RPS6KA2: variants seen among roughly 807,000 people sequenced by gnomAD.
RPS6KA2 encodes the protein ribosomal protein S6 kinase alpha-2.
Under a neutral mutation model 91.8 loss-of-function variants are expected in RPS6KA2, and 42 were observed. That is an observed-to-expected ratio of 0.46 (90% CI 0.36 to 0.59). RPS6KA2 has a LOEUF of 0.59. Among genes scored for constraint, RPS6KA2 ranks in the 20% least tolerant of loss-of-function variants. RPS6KA2 has a pLI of 0.00. For missense variants in RPS6KA2, 798 were observed against 978.5 expected (o/e 0.82, Z 2.46); for synonymous variants, 414 against 393.6 (o/e 1.05, Z -0.61).
intron 2 of RPS6KA2, among the ~76,000 whole-genome samples, chr6:166,531,756 C>T (rs1413773020): frequency 6.6e-6 from 1 of 151,806 alleles, no homozygotes; most frequent in African/African-American, 2.4e-5. Context: ...CTTTCTCTTA[C>T]TTCAACTGTC....
chr6:166,526,097 T>A (rs1430050131), intron 3 of RPS6KA2, among the ~76,000 whole-genome samples: 1 of 142,498 alleles, frequency 7.0e-6, no homozygotes, highest in Non-Finnish European at 1.6e-5. Flanking sequence ...CGCTGCATCA[T>A]GGTTAGATCC....
intron 2 of RPS6KA2, among the ~76,000 whole-genome samples, chr6:166,788,798 T>C (rs1377970598): frequency 6.6e-6 from 1 of 152,104 alleles, no homozygotes; most frequent in Non-Finnish European, 1.5e-5. Flanking sequence ...CACATGTATG[T>C]ATATGTACCA....
At chr6:166,831,200 C>G (rs888759249) in intron 2 of RPS6KA2, among the ~76,000 whole-genome samples, 1 of 152,136 alleles carries the variant, frequency 6.6e-6, no homozygotes, top group Non-Finnish European at 1.5e-5. Context: ...CTCCACTCTC[C>G]GCAGGTGTTG....
intron 10 of RPS6KA2, among the ~76,000 whole-genome samples, chr6:166,485,420 G>A (rs1334832401): frequency 2.0e-5 from 3 of 152,154 alleles, no homozygotes; most frequent in Non-Finnish European, 2.9e-5. Context: ...GAGCTGGGGA[G>A]CAAGCCCCTG....
At chr6:166,734,907 G>C (rs548145908) in intron 2 of RPS6KA2, among the ~76,000 whole-genome samples, 1 of 152,292 alleles carries the variant, frequency 6.6e-6, no homozygotes, top group Admixed American at 6.5e-5. Flanking sequence ...CACAGATTTT[G>C]AAAGTTCCTA....
At position 166,621,775 on chromosome 6, in the gene RPS6KA2, C is replaced by T. The variant is rs116439993; in HGVS notation, c.99+5146G>A. On this transcript the variant is annotated intron_variant, in intron 1 of 20. Transcript: ENST00000265678. ...GTCCCCCATATCAAAGGAGCACTCT[C>T]CTGGCAGCTCCCTGAAGGTCCCCAA... Among the ~76,000 whole-genome samples the T allele has an allele frequency of 5.7e-3, 862 of 152,330 alleles. 8 individuals carry two copies. The highest frequency in any genetic ancestry group is 0.02 in the African/African-American group (815 of 41,566).
At position 166,821,439 on chromosome 6, in the gene RPS6KA2, A is replaced by G. The variant is rs1025665729; in HGVS notation, c.123+36761T>C. Among the ~76,000 whole-genome samples the G allele has an allele frequency of 2.0e-5, 3 of 152,042 alleles. No homozygotes were observed. Among genetic ancestry groups the G allele is most frequent in the Admixed American group, 6.5e-5 (1 of 15,270 alleles). ...GGTGGAGAGGCAGGCAGGCAGAAAC[A>G]CAGGAGGCCTCACTATGTCTTCTTC... is the stretch of plus-strand genomic sequence containing the variant. On this transcript the variant is annotated intron_variant, in intron 2 of 21. Coordinates refer to the RPS6KA2 transcript ENST00000503859. This position sits in a 1 kb window ranked among gnomAD's most constrained non-coding sequence, Gnocchi z 4.1.
At position 166,437,656 on chromosome 6, in the gene RPS6KA2, A is replaced by C. The variant is rs115001324; in HGVS notation, c.1333-5166T>G. On this transcript the variant is annotated intron_variant, in intron 14 of 20. Coordinates refer to ENST00000265678, the MANE Select transcript of RPS6KA2 (RefSeq NM_021135.6). This position sits in a 1 kb window ranked among gnomAD's most constrained non-coding sequence, Gnocchi z 4.3. ...CACCTTCCTTAGAGATGCTGAGTCT[A>C]GGGGTCTGAATATCCACGAAGCAAT... is the stretch of plus-strand genomic sequence containing the variant. 0.016 allele frequency among the ~76,000 whole-genome samples: 2,392 copies of C among 152,296 alleles called. 62 individuals are homozygous for C. The highest frequency in any genetic ancestry group is 0.055 in the African/African-American group (2,288 of 41,570).
intron 2 of RPS6KA2, among the ~76,000 whole-genome samples, chr6:166,816,486 T>G (rs1583148948): frequency 7.0e-6 from 1 of 142,832 alleles, no homozygotes; most frequent in African/African-American, 2.6e-5. Context: ...ACCCAGGAGG[T>G]GGAGGTTGTG....
At position 166,563,308 on chromosome 6, in the gene RPS6KA2, C is replaced by T. The variant is rs1037525944; in HGVS notation, c.100-24524G>A. On this transcript the variant is annotated intron_variant, in intron 1 of 20. Transcript: ENST00000265678. The surrounding 1 kb of genome is among the most constrained non-coding windows in gnomAD (Gnocchi z 4.1). ...CCCCAGCGGGAAGCACTCGGAGGAG[C>T]GGGGGCCAACCCGGAATCAGCCTCT... is the stretch of plus-strand genomic sequence containing the variant. Among the ~76,000 whole-genome samples the T allele has an allele frequency of 3.3e-5, 5 of 152,184 alleles. No individual in the cohort carries two copies. The highest frequency in any genetic ancestry group is 3.2e-3 in the Middle Eastern group (1 of 316).
At chr6:166,536,533 C>T (rs913331888) in intron 2 of RPS6KA2, among the ~76,000 whole-genome samples, 3 of 152,318 alleles carry the variant, frequency 2.0e-5, no homozygotes, top group East Asian at 1.9e-4. Context: ...ACGATATTAG[C>T]TCCAACCTTC....
intron 2 of RPS6KA2, among the ~76,000 whole-genome samples, chr6:166,795,224 C>A (rs1779194631): frequency 6.6e-6 from 1 of 152,138 alleles, no homozygotes; most frequent in African/African-American, 2.4e-5. Context: ...TAAAGCCAGA[C>A]CCATTTGTGA....
rs1779385208 is a variant in RPS6KA2 at position 166,437,824 on chromosome 6, T to C, written c.1333-5334A>G. Among the ~76,000 whole-genome samples, 1 of 152,270 alleles carries C rather than the reference T, an allele frequency of 6.6e-6. No individual in the cohort carries two copies. Among genetic ancestry groups the C allele is most frequent in the African/African-American group, 2.4e-5 (1 of 41,578 alleles). ...CTGCTCTTGATAACACCTTTCCTCC[T>C]GCTGGCCGAAGGCGGCAACAGGAGA... On this transcript the variant is annotated intron_variant, in intron 14 of 20. Coordinates refer to ENST00000265678, the MANE Select transcript of RPS6KA2 (RefSeq NM_021135.6). This position sits in a 1 kb window ranked among gnomAD's most constrained non-coding sequence, Gnocchi z 4.3.
intron 1 of RPS6KA2, among the ~76,000 whole-genome samples, chr6:166,585,498 CTT>C (rs58153048): frequency 0.022 from 1,872 of 86,278 alleles, 31 homozygotes; most frequent in Non-Finnish European, 0.026. Flanking sequence ...TCAAACAAGT[CTT>C]TTTTTTTTTT....
chr6:166,855,671 T>A (rs9355601), intron 2 of RPS6KA2, among the ~76,000 whole-genome samples: 90,035 of 152,068 alleles, frequency 0.59, 30,190 homozygotes, highest in Non-Finnish European at 0.75. Flanking sequence ...TCATAGAGTA[T>A]TCAAATGACA....
intron 14 of RPS6KA2, among the ~76,000 whole-genome samples, chr6:166,441,457 T>C (rs781472583): frequency 1.3e-4 from 20 of 152,236 alleles, no homozygotes; most frequent in Non-Finnish European, 2.2e-4. Flanking sequence ...TTGGCCACAG[T>C]GGTTTGACTC....
rs1415938320 is a variant in RPS6KA2, at chr6:166,459,662, A to T, written c.973-111T>A. The stretch of plus-strand genomic sequence containing the variant: ...GGAGGGAAGGATGTTCTTATCACAG[A>T]CTGCATTGGCCTTGTGGATTACAAG... On this transcript the variant is annotated intron_variant, in intron 11 of 20. Transcript: ENST00000265678. This position sits in a 1 kb window ranked among gnomAD's most constrained non-coding sequence, Gnocchi z 4.9. 6.3e-5 allele frequency: 44 copies of T among 701,894 alleles called. No homozygotes were observed. Among genetic ancestry groups the T allele is most frequent in the Non-Finnish European group, 1.0e-4 (41 of 401,138 alleles). The allele number at this position is 701,894 out of a possible 1,614,324, so 43.5% of individuals were successfully genotyped here. A position where few individuals can be genotyped will look rare whatever the true frequency, so the allele number is the denominator to read the frequency against.
At position 166,733,023 on chromosome 6, in the gene RPS6KA2, G is replaced by T. The variant is rs6456114; in HGVS notation, c.123+125177C>A. On this transcript the variant is annotated intron_variant, in intron 2 of 21. Transcript: ENST00000503859. The surrounding 1 kb of genome is among the most constrained non-coding windows in gnomAD (Gnocchi z 4.1). ...TTATGCATTTGCCCAGTTTTGCATC[G>T]GATTTCTGGAGGTTTGGGACCCTCT... Among the ~76,000 whole-genome samples the T allele has an allele frequency of 0.3, 44,897 of 152,006 alleles. 9,282 individuals carry two copies. Among genetic ancestry groups the T allele is most frequent in the African/African-American group, 0.59 (24,438 of 41,396 alleles).
In RPS6KA2 at chr6:166,527,562, A is replaced by G. The variant is rs573114954; in HGVS notation, c.298+3670T>C. ...CATTTTAAGAATAACAGCTTTTTGGAGATATAATTCACATTCCATATGATT... is the reference window on the plus strand; with the variant it reads ...CATTTTAAGAATAACAGCTTTTTGGGGATATAATTCACATTCCATATGATT... On this transcript the variant is annotated intron_variant, in intron 3 of 20. Transcript: ENST00000265678. Among the ~76,000 whole-genome samples the G allele has an allele frequency of 1.3e-4, 20 of 152,300 alleles. No individual in the cohort carries two copies. In the East Asian group the frequency reaches 3.9e-3, roughly 29 times the overall value.
Sources: gnomAD v4.1 joint callset for allele counts (sites outside exome capture counted in the v4.1 genomes callset) on GRCh38, gnomAD v4.1.1 for gene constraint, Gnocchi (gnomAD v3.1) non-coding constraint, MANE v1.5 for transcripts, NCBI Gene and HGNC (gene_info 2026-07-23, HGNC 2026-07-21) for gene names.